Variants in PASK observed in about 807,000 individuals in gnomAD.
The protein encoded by PASK is PAS domain-containing serine/threonine-protein kinase.
In PASK, 110 loss-of-function variants were observed where a neutral mutation model predicts 121.0. The ratio of observed to expected loss-of-function variants is 0.91; its 90% CI spans 0.78 to 1.06. The LOEUF is 1.06. Ranked by LOEUF, PASK falls within the 50% of genes least tolerant of loss-of-function variation. The pLI is 0.00. For missense variants in PASK, 1,643 were observed against 1,702.3 expected (o/e 0.97, Z 0.61); for synonymous variants, 686 against 717.8 (o/e 0.96, Z 0.71).
intron 4 of PASK, 195 bp downstream of exon 4, chr2:241,139,690 T>C: frequency 1.4e-6 from 1 of 710,622 alleles, no homozygotes; most frequent in Non-Finnish European, 2.6e-6. Flanking sequence ...GATGATTCGT[T>C]CTTAAAGGGC....
intron 9 of PASK, among the ~76,000 whole-genome samples, chr2:241,129,899 T>C (rs1226024305): frequency 6.6e-6 from 1 of 152,216 alleles, no homozygotes; most frequent in African/African-American, 2.4e-5. Context: ...CCCCACCTGC[T>C]GTCTGAGCAC....
At chr2:241,136,174 G>A (rs375030114) in intron 7 of PASK, 135 bp from the exon 8 acceptor site, 31 of 788,658 alleles carry the variant, frequency 3.9e-5, no homozygotes, top group African/African-American at 3.2e-4. Flanking sequence ...AAAGGCCTCG[G>A]GCCAAATGCC....
intron 7 of PASK, 48 bp downstream of exon 7, chr2:241,136,956 G>A (rs1158347033): frequency 1.3e-6 from 2 of 1,583,920 alleles, no homozygotes; most frequent in Non-Finnish European, 1.7e-6. Flanking sequence ...GCAGAGCACA[G>A]CAGCTTCCTC....
In PASK at chr2:241,118,502, C is replaced by A. The variant is rs12616483; in HGVS notation, c.3073-3089G>T. The stretch of plus-strand genomic sequence containing the variant: ...ATATCCACATACGAAAGGGTGAAGT[C>A]CAACCCCAGTCTCACACCACACACA... On this transcript the variant is annotated intron_variant, in intron 12 of 17. Transcript: ENST00000234040. Among the ~76,000 whole-genome samples, 10 of 152,260 alleles carry A rather than the reference C, an allele frequency of 6.6e-5. No individual in the cohort carries two copies. The South Asian group carries it at 8.3e-4, about 13-fold the overall frequency.
intron 2 of PASK, chr2:241,140,989 G>T: frequency 1.8e-6 from 1 of 566,508 alleles, no homozygotes. Flanking sequence ...CAACACTTCT[G>T]TGTCTAAATT....
In PASK at chr2:241,139,660, G is replaced by A. The variant is rs1297009293; in HGVS notation, c.600+225C>T. 132 of 702,666 alleles carry A rather than the reference G, an allele frequency of 1.9e-4. 1 individual carries two copies. In the East Asian group the frequency reaches 3.5e-3, roughly 19 times the overall value. 43.5% of individuals were successfully genotyped at this position (702,666 alleles called of 1,614,324 possible). On this transcript the variant is annotated intron_variant, in intron 4 of 17. Transcript: ENST00000234040. ...GACACCTCCCAGGAGTCCAGCCACAGCCACAGTGTCCATTCCTGCGATGAT... is the reference window on the plus strand; with the variant it reads ...GACACCTCCCAGGAGTCCAGCCACAACCACAGTGTCCATTCCTGCGATGAT...
At chr2:241,132,759 G>A in intron 9 of PASK, 115 bp downstream of exon 9, 1 of 902,672 alleles carries the variant, frequency 1.1e-6, no homozygotes, top group Admixed American at 1.9e-5. Context: ...ACACATGTGA[G>A]TTTTCAATGT....
intron 1 of PASK, among the ~76,000 whole-genome samples, chr2:241,147,909 G>T (rs977087294): frequency 6.6e-6 from 1 of 152,136 alleles, no homozygotes; most frequent in Non-Finnish European, 1.5e-5. Context: ...CCTTTTTCCC[G>T]CTGTGCCTCC....
Position 241,126,946 on chromosome 2 carries a change from GCTC to G in PASK, c.1966_1968del (p.Glu656del), listed in dbSNP as rs2065895342. ...TGCTCCTTAATCAAGCAGGTCTGCA[GCTC>G]TTCTCGGTCGTTTTCCACTCCCAGC... On this transcript the variant is annotated inframe_deletion, in exon 10 of 18. Transcript: ENST00000234040. The G allele has an allele frequency of 3.1e-6, 5 of 1,614,236 alleles. No individual in the cohort carries two copies. The highest frequency in any genetic ancestry group is 4.2e-6 in the Non-Finnish European group (5 of 1,180,040).
chr2:241,128,649 C>T (rs1253290857), intron 9 of PASK, among the ~76,000 whole-genome samples: 1 of 152,168 alleles, frequency 6.6e-6, no homozygotes, highest in African/African-American at 2.4e-5. Flanking sequence ...CTGTGGGAGG[C>T]TGAGCCCAGG....
chr2:241,124,198 T>C, intron 10 of PASK, 65 bp from the exon 11 acceptor site: 1 of 1,383,424 alleles, frequency 7.2e-7, no homozygotes, highest in Non-Finnish European at 1.0e-6. Context: ...AGCTTTAGGT[T>C]AGAAAAGTCC....
At chr2:241,140,120 C>T in intron 3 of PASK, 65 bp from the exon 4 acceptor site, 3 of 1,301,766 alleles carry the variant, frequency 2.3e-6, no homozygotes, top group South Asian at 1.2e-5. Context: ...CTGCCCAGAA[C>T]AGCCCAGGAC....
At chr2:241,149,894 A>G (rs957148037), upstream of PASK, 8 of 1,441,060 alleles carry the variant, frequency 5.6e-6, no homozygotes, top group Non-Finnish European at 7.2e-6. Context: ...TAGCGGCCCC[A>G]CCAGCGCAAG....
At chr2:241,122,448 G>C (rs2065655251) in intron 12 of PASK, among the ~76,000 whole-genome samples, 1 of 152,248 alleles carries the variant, frequency 6.6e-6, no homozygotes, top group South Asian at 2.1e-4. Flanking sequence ...AGGGAACACA[G>C]GTCCAGATGT....
rs201664481 is a variant in PASK, at chr2:241,142,825, G to A, written c.196+12C>T. 1.9e-5 allele frequency: 31 copies of A among 1,597,688 alleles called. No individual in the cohort carries two copies. In the African/African-American group the frequency reaches 3.2e-4, roughly 17 times the overall value. On this transcript the variant is annotated intron_variant, in intron 2 of 17. Coordinates refer to ENST00000234040, the MANE Select transcript of PASK (RefSeq NM_015148.4). ...CCACGCGCTAAGGCCTGCAGTGGTCGAAGGTCATTACCAGAGAGCGCTGTC... is the reference window on the plus strand; with the variant it reads ...CCACGCGCTAAGGCCTGCAGTGGTCAAAGGTCATTACCAGAGAGCGCTGTC...
In PASK at chr2:241,108,084, C is replaced by A. The variant is rs2064960803; in HGVS notation, c.3667+83G>T. The A allele has an allele frequency of 2.3e-6, 3 of 1,288,282 alleles. No individual in the cohort carries two copies. Among genetic ancestry groups the A allele is most frequent in the Admixed American group, 1.7e-5 (1 of 59,650 alleles). The allele number at this position is 1,288,282 out of a possible 1,614,324, so 79.8% of individuals were successfully genotyped here. ...GACTGTTGATATGGACAGAGATACA[C>A]TGAGGAATGAGGAAATGGGAAAAAA... On this transcript the variant is annotated intron_variant, in intron 16 of 17. Coordinates refer to ENST00000234040, the MANE Select transcript of PASK (RefSeq NM_015148.4). This position sits in a 1 kb window ranked among gnomAD's most constrained non-coding sequence, Gnocchi z 5.2.
chr2:241,150,265 G>A (rs887146116), upstream of PASK: 2 of 1,291,570 alleles, frequency 1.5e-6, no homozygotes, highest in African/African-American at 1.5e-5. Context: ...CCAGCTTCTC[G>A]CCTCCAGACT....
Position 241,112,121 on chromosome 2 carries a change from C to CCACTCAA in PASK, c.3533+112_3533+118dup. 1.2e-6 allele frequency: 1 copy of CCACTCAA among 806,946 alleles called. No homozygotes were observed. The highest frequency in any genetic ancestry group is 2.1e-6 in the Non-Finnish European group (1 of 465,208). The allele number at this position is 806,946 out of a possible 1,614,324, so 50.0% of individuals were successfully genotyped here. On this transcript the variant is annotated intron_variant, in intron 15 of 17. Coordinates refer to ENST00000234040, the MANE Select transcript of PASK (RefSeq NM_015148.4). This position sits in a 1 kb window ranked among gnomAD's most constrained non-coding sequence, Gnocchi z 5.2. ...CTTACTTTCCAGCATATCACCCTGA[C>CCACTCAA]CACTCAACACTCATCACAAAGAGGC...
intron 14 of PASK, chr2:241,113,761 T>C: frequency 1.0e-6 from 1 of 985,510 alleles, no homozygotes. Context: ...CTGGCCATGC[T>C]GCCCTGGAGC....
Sources: allele counts gnomAD v4.1 joint callset (sites outside exome capture counted in the v4.1 genomes callset), GRCh38; gene constraint gnomAD v4.1.1; non-coding constraint Gnocchi (gnomAD v3.1); transcripts MANE v1.5; gene names NCBI Gene and HGNC (gene_info 2026-07-23, HGNC 2026-07-21).